PDE1C: variants seen among roughly 807,000 people sequenced by gnomAD.
The protein encoded by PDE1C is phosphodiesterase 1C, also known as dual specificity calcium/calmodulin-dependent 3',5'-cyclic nucleotide phosphodiesterase 1C.
Under a neutral mutation model 93.1 loss-of-function variants are expected in PDE1C, and 62 were observed. That is an observed-to-expected ratio of 0.67 (90% confidence interval 0.54 to 0.82). The LOEUF (loss-of-function observed/expected upper bound fraction) is 0.82. PDE1C is among the 40% of genes least tolerant of loss of function. The probability of loss-of-function intolerance (pLI) is 0.00; values close to 1 mark genes in which losing one functional copy is unlikely to be tolerated. For synonymous variants in PDE1C, 325 were observed against 310.1 expected, an observed-to-expected ratio of 1.05 and a Z score of -0.50; for missense variants, 742 against 884.6, an observed-to-expected ratio of 0.84 and a Z score of 2.04.
chr7:31,999,714 GT>G (rs1254570006), intron 2 of PDE1C, among the ~76,000 whole-genome samples: 1 of 152,154 alleles, frequency 6.6e-6, no homozygotes, highest in Non-Finnish European at 1.5e-5. Flanking sequence ...CACACCACAT[GT>G]TTTTACACTT....
chr7:32,114,715 C>A (rs1584789693), intron 3 of PDE1C, among the ~76,000 whole-genome samples: 2 of 152,074 alleles, frequency 1.3e-5, no homozygotes, highest in Admixed American at 1.3e-4. Flanking sequence ...AATCTACCCA[C>A]CTGACAAAGG....
chr7:32,211,515 TA>T (rs1006785303), intron 1 of PDE1C, among the ~76,000 whole-genome samples: 6 of 149,800 alleles, frequency 4.0e-5, no homozygotes, highest in African/African-American at 1.2e-4. Context: ...AGCTAAGTAT[TA>T]AAAAAATCTT....
intron 2 of PDE1C, among the ~76,000 whole-genome samples, chr7:31,900,055 T>C (rs1799784584): frequency 6.6e-6 from 1 of 152,170 alleles, no homozygotes; most frequent in South Asian, 2.1e-4. Flanking sequence ...AGCGAAAGTG[T>C]AGTATTTTTT....
At chr7:31,808,628 A>C (rs962893798) in intron 16 of PDE1C, among the ~76,000 whole-genome samples, 23 of 152,012 alleles carry the variant, frequency 1.5e-4, no homozygotes, top group African/African-American at 4.3e-4. Context: ...AGGAAAAAAA[A>C]CATGAAAACA....
At chr7:32,168,018 G>A (rs1802412806) in intron 3 of PDE1C, among the ~76,000 whole-genome samples, 1 of 152,078 alleles carries the variant, frequency 6.6e-6, no homozygotes, top group Admixed American at 6.6e-5. Context: ...ATTTAGCACT[G>A]TCATCAAAAT....
chr7:32,357,798 CT>C (rs1472574064), intron 1 of PDE1C, among the ~76,000 whole-genome samples: 1 of 152,182 alleles, frequency 6.6e-6, no homozygotes, highest in Non-Finnish European at 1.5e-5. Flanking sequence ...ATCAATGGCC[CT>C]TCCAAGCTAT....
In PDE1C at chr7:32,263,647, A is replaced by G. The variant is rs145185360; in HGVS notation, c.85+35004T>C. On this transcript the variant is annotated intron_variant, in intron 1 of 18. Coordinates refer to the PDE1C transcript ENST00000396193. ...AGGCAGAATCCAGTCTATGGTCAGG[A>G]ATTGCATTTAATTGTCATGCCTCTT... Among the ~76,000 whole-genome samples the G allele has an allele frequency of 4.5e-3, 687 of 152,276 alleles. 5 individuals are homozygous for G. The highest frequency in any genetic ancestry group is 7.0e-3 in the Non-Finnish European group (475 of 68,018).
chr7:32,235,756 C>T (rs902360666), intron 1 of PDE1C, among the ~76,000 whole-genome samples: 11 of 152,138 alleles, frequency 7.2e-5, no homozygotes, highest in African/African-American at 2.4e-4. Context: ...TAACACAATT[C>T]TGATCAACTT....
At chr7:32,361,461 T>A (rs1009216750) in intron 1 of PDE1C, among the ~76,000 whole-genome samples, 1 of 152,236 alleles carries the variant, frequency 6.6e-6, no homozygotes, top group Non-Finnish European at 1.5e-5. Context: ...CTTTATTACA[T>A]TTGCTAGGTG....
chr7:31,813,283 C>T (rs991292671), intron 15 of PDE1C, among the ~76,000 whole-genome samples: 3 of 152,084 alleles, frequency 2.0e-5, no homozygotes, highest in Admixed American at 6.5e-5. Context: ...CACCCACATC[C>T]CAGACTGCTT....
intron 2 of PDE1C, among the ~76,000 whole-genome samples, chr7:32,014,167 T>A (rs371115246): frequency 6.6e-6 from 1 of 152,154 alleles, no homozygotes; most frequent in South Asian, 2.1e-4. Context: ...ACTGCAATAA[T>A]TGGTAAACAG....
rs185926359 is a variant in PDE1C at position 32,153,537 on chromosome 7, G to A, written c.308+16248C>T. Among the ~76,000 whole-genome samples, 407 of 152,300 alleles carry A rather than the reference G, an allele frequency of 2.7e-3. 3 individuals carry two copies. Among genetic ancestry groups the A allele is most frequent in the African/African-American group, 9.4e-3 (392 of 41,554 alleles). On this transcript the variant is annotated intron_variant, in intron 3 of 18. Coordinates refer to the PDE1C transcript ENST00000396193. ...CAGAGTGGGGGTTCTCAGCCCTGCT[G>A]CATGGCAGCAGAATGGGACCCAAAG...
At chr7:31,796,493 T>C (rs1489003891) in intron 16 of PDE1C, among the ~76,000 whole-genome samples, 1 of 151,704 alleles carries the variant, frequency 6.6e-6, no homozygotes, top group Non-Finnish European at 1.5e-5. Context: ...CCTAAAAGTA[T>C]ATAAAAAATG....
chr7:32,285,854 AAG>A (rs1181133576), intron 1 of PDE1C, among the ~76,000 whole-genome samples: 2 of 151,764 alleles, frequency 1.3e-5, no homozygotes, highest in Non-Finnish European at 2.9e-5. Context: ...AAGATAAAAC[AAG>A]AGTGGAAAAA....
At chr7:32,048,263 G>A (rs779559930) in intron 2 of PDE1C, among the ~76,000 whole-genome samples, 54 of 152,116 alleles carry the variant, frequency 3.5e-4, no homozygotes, top group Non-Finnish European at 7.5e-4. Context: ...TTTAGTCTAT[G>A]GTCCATTCTC....
At chr7:31,705,941 A>T in the PDE1C span, among the ~76,000 whole-genome samples, 4 of 145,254 alleles carry the variant, frequency 2.8e-5, no homozygotes, top group Non-Finnish European at 4.5e-5. Flanking sequence ...TGGGGTGATC[A>T]GTCCAGAAAA....
intron 5 of PDE1C, among the ~76,000 whole-genome samples, chr7:31,876,550 C>A (rs191686417): frequency 1.3e-5 from 2 of 151,840 alleles, no homozygotes; most frequent in Admixed American, 1.3e-4. Flanking sequence ...TTTATGTTCC[C>A]GATAAAGGAA....
the PDE1C span, among the ~76,000 whole-genome samples, chr7:31,729,175 A>G: frequency 1.3e-5 from 2 of 152,268 alleles, no homozygotes; most frequent in Non-Finnish European, 2.9e-5. Context: ...GACATTTTAA[A>G]AAGCACAAAA....
the PDE1C span, chr7:31,642,836 A>G: frequency 1.9e-6 from 3 of 1,613,870 alleles, no homozygotes; most frequent in Non-Finnish European, 2.5e-6. Flanking sequence ...TCAAGCCAAG[A>G]AGCGAATGCC....
Sources: allele counts gnomAD v4.1 joint callset (sites outside exome capture counted in the v4.1 genomes callset), GRCh38; gene constraint gnomAD v4.1.1; transcripts MANE v1.5; gene names NCBI Gene and HGNC (gene_info 2026-07-23, HGNC 2026-07-21).